GPC5: variants seen among roughly 807,000 people sequenced by gnomAD.
The protein encoded by GPC5 is glypican 5, also known as glypican-5.
A neutral mutation model predicts 53.9 loss-of-function variants in GPC5; 47 were observed. The ratio of observed to expected loss-of-function variants is 0.87; its 90% CI spans 0.69 to 1.11. The LOEUF (loss-of-function observed/expected upper bound fraction) is 1.11. Ranked by LOEUF, GPC5 falls within the 50% of genes most tolerant of loss-of-function variation. GPC5 has a pLI of 0.00. For missense variants in GPC5, 748 were observed against 713.1 expected, an observed-to-expected ratio of 1.05 and a Z score of -0.56; for synonymous variants, 286 against 263.3, an observed-to-expected ratio of 1.09 and a Z score of -0.84.
chr13:91,534,525 T>C (rs1886497557), intron 2 of GPC5, among the ~76,000 whole-genome samples: 1 of 152,202 alleles, frequency 6.6e-6, no homozygotes, highest in Admixed American at 6.5e-5. Context: ...AAAGTTGATT[T>C]TGTTGAAAAT....
intron 7 of GPC5, among the ~76,000 whole-genome samples, chr13:92,649,866 T>C (rs1342419341): frequency 2.6e-5 from 4 of 152,190 alleles, no homozygotes; most frequent in East Asian, 1.9e-4. Context: ...TTTATGATTA[T>C]TGTCTTTAAT....
intron 6 of GPC5, among the ~76,000 whole-genome samples, chr13:91,919,961 C>T (rs892302527): frequency 6.6e-6 from 1 of 152,200 alleles, no homozygotes; most frequent in African/African-American, 2.4e-5. Flanking sequence ...CTGACTGGAT[C>T]TCTACCCAGT....
chr13:92,168,047 T>G (rs1296129219), intron 7 of GPC5, among the ~76,000 whole-genome samples: 1 of 152,110 alleles, frequency 6.6e-6, no homozygotes, highest in Admixed American at 6.6e-5. Flanking sequence ...TGATTTCAAC[T>G]GACTTGCATC....
intron 6 of GPC5, among the ~76,000 whole-genome samples, chr13:91,991,021 T>C (rs2040451444): frequency 6.6e-6 from 1 of 152,182 alleles, no homozygotes; most frequent in Non-Finnish European, 1.5e-5. Context: ...AAGTGTGCTT[T>C]TGGGAAGGCA....
At chr13:92,549,291 T>G (rs1054815178) in intron 7 of GPC5, among the ~76,000 whole-genome samples, 1 of 152,136 alleles carries the variant, frequency 6.6e-6, no homozygotes, top group Admixed American at 6.5e-5. Context: ...GTGGCTTAAT[T>G]ACTTATTTAG....
At chr13:92,338,983 G>C (rs2043344937) in intron 7 of GPC5, among the ~76,000 whole-genome samples, 2 of 151,946 alleles carry the variant, frequency 1.3e-5, no homozygotes, top group Admixed American at 1.3e-4. Context: ...CATGTGTGAA[G>C]GCAGGAGGTA....
At chr13:92,579,619 G>T (rs994662731) in intron 7 of GPC5, among the ~76,000 whole-genome samples, 1 of 152,048 alleles carries the variant, frequency 6.6e-6, no homozygotes, top group African/African-American at 2.4e-5. Flanking sequence ...ACTGAACTGA[G>T]AGAATCTTAT....
chr13:91,691,619 T>C (rs1460665337), intron 2 of GPC5, among the ~76,000 whole-genome samples: 1 of 152,200 alleles, frequency 6.6e-6, no homozygotes, highest in East Asian at 1.9e-4. Context: ...GCAGGGTAGA[T>C]GCACCTTAAT....
At chr13:91,562,934 A>G in intron 2 of GPC5, among the ~76,000 whole-genome samples, 1 of 152,120 alleles carries the variant, frequency 6.6e-6, no homozygotes, top group Non-Finnish European at 1.5e-5. Flanking sequence ...TTTGTTAGAA[A>G]TATGTATAAT....
At chr13:91,777,040 T>A (rs1447825608) in intron 5 of GPC5, among the ~76,000 whole-genome samples, 1 of 152,224 alleles carries the variant, frequency 6.6e-6, no homozygotes, top group Non-Finnish European at 1.5e-5. Flanking sequence ...CCCTAACGAC[T>A]GTGCATAATT....
intron 7 of GPC5, among the ~76,000 whole-genome samples, chr13:92,761,924 C>T (rs999510457): frequency 6.6e-5 from 10 of 152,094 alleles, no homozygotes; most frequent in South Asian, 4.2e-4. Context: ...GAATATTATA[C>T]CCAGCAAAAC....
At chr13:91,568,002 TAA>T (rs926897978) in intron 2 of GPC5, among the ~76,000 whole-genome samples, 2 of 152,168 alleles carry the variant, frequency 1.3e-5, no homozygotes, top group Admixed American at 6.6e-5. Context: ...GATGGTTTTA[TAA>T]GTGTTTGACA....
At chr13:92,492,267 ATTTTCTTT>A (rs1158706931) in intron 7 of GPC5, among the ~76,000 whole-genome samples, 1 of 151,914 alleles carries the variant, frequency 6.6e-6, no homozygotes, top group Non-Finnish European at 1.5e-5. Context: ...TAACACATTA[ATTTTCTTT>A]TTTTCTTTTT....
At chr13:92,512,620 C>T (rs896880353) in intron 7 of GPC5, among the ~76,000 whole-genome samples, 1 of 152,108 alleles carries the variant, frequency 6.6e-6, no homozygotes, top group African/African-American at 2.4e-5. Flanking sequence ...TCTTCATTTT[C>T]CCTATGCCAA....
chr13:92,729,983 G>T (rs748517399), intron 7 of GPC5, among the ~76,000 whole-genome samples: 2 of 151,400 alleles, frequency 1.3e-5, no homozygotes, highest in African/African-American at 2.4e-5. Flanking sequence ...AGAGGGATTT[G>T]ATACTTAATG....
intron 1 of GPC5, among the ~76,000 whole-genome samples, chr13:91,410,397 G>A (rs1218693415): frequency 7.1e-6 from 1 of 141,180 alleles, no homozygotes; most frequent in East Asian, 2.1e-4. Flanking sequence ...CCAGGCTGGA[G>A]TGCAGTGGCA....
chr13:92,362,798 G>A lies in GPC5; in HGVS notation c.1561+217809G>A, dbSNP rs141061646. ...CTTCAGGTTAAAAACAAATCTCTGT[G>A]TTGTTAGGGGTAAAGAATATCTCCT... is the stretch of plus-strand genomic sequence containing the variant. On this transcript the variant is annotated intron_variant, in intron 7 of 7. Transcript: ENST00000377067. 8.2e-4 allele frequency among the ~76,000 whole-genome samples: 124 copies of A among 151,848 alleles called. 1 individual carries two copies. The highest frequency in any genetic ancestry group is 1.2e-3 in the Non-Finnish European group (80 of 68,014).
intron 4 of GPC5, among the ~76,000 whole-genome samples, chr13:91,749,386 C>T (rs1160874908): frequency 6.6e-6 from 1 of 152,132 alleles, no homozygotes; most frequent in South Asian, 2.1e-4. Context: ...AGTAGTATTC[C>T]ATTGTGTATA....
At chr13:92,111,469 G>T (rs1427642508) in intron 6 of GPC5, among the ~76,000 whole-genome samples, 1 of 152,054 alleles carries the variant, frequency 6.6e-6, no homozygotes, top group Non-Finnish European at 1.5e-5. Context: ...ACAAGATTCT[G>T]TAAATTGGAG....
Sources: gnomAD v4.1 joint callset for allele counts (sites outside exome capture counted in the v4.1 genomes callset) on GRCh38, gnomAD v4.1.1 for gene constraint, MANE v1.5 for transcripts, NCBI Gene and HGNC (gene_info 2026-07-23, HGNC 2026-07-21) for gene names.